GRAMD1B: variants seen among roughly 807,000 people sequenced by gnomAD.
The protein encoded by GRAMD1B is protein Aster-B.
In GRAMD1B, 37 loss-of-function variants were observed where a neutral mutation model predicts 99.7. The observed-to-expected ratio is 0.37, with a 90% CI of 0.29 to 0.49. The LOEUF (loss-of-function observed/expected upper bound fraction) is 0.49. Ranked by LOEUF, GRAMD1B falls within the 20% of genes least tolerant of loss-of-function variation. GRAMD1B has a pLI of 0.98. For missense variants in GRAMD1B, 888 were observed against 1,009.2 expected, an observed-to-expected ratio of 0.88 and a Z score of 1.63; for synonymous variants, 427 against 387.6, an observed-to-expected ratio of 1.10 and a Z score of -1.19.
chr11:123,497,829 A>C (rs530317687), intron 2 of GRAMD1B, among the ~76,000 whole-genome samples: 1 of 145,460 alleles, frequency 6.9e-6, no homozygotes, highest in Non-Finnish European at 1.5e-5. Flanking sequence ...TGAACCCGGG[A>C]GGCAGAGGTT....
intron 2 of GRAMD1B, among the ~76,000 whole-genome samples, chr11:123,557,977 C>CTT (rs532091098): frequency 0.074 from 7,377 of 99,638 alleles, 496 homozygotes; most frequent in Non-Finnish European, 0.084. Context: ...TTCAGTGCAA[C>CTT]TTTTTTTTTT....
At chr11:123,452,934 A>G (rs1949953004) in intron 1 of GRAMD1B, among the ~76,000 whole-genome samples, 1 of 152,220 alleles carries the variant, frequency 6.6e-6, no homozygotes, top group African/African-American at 2.4e-5. Context: ...TGTGTTTCAC[A>G]GGCACCACTG....
intron 7 of GRAMD1B, chr11:123,598,690 A>G (rs1376136862): frequency 1.3e-5 from 13 of 1,013,086 alleles, no homozygotes; most frequent in Non-Finnish European, 2.1e-5. Flanking sequence ...AGAGAGGCCA[A>G]CTCCTCCCAG....
At chr11:123,547,635 T>C (rs1945149715) in intron 2 of GRAMD1B, among the ~76,000 whole-genome samples, 1 of 152,246 alleles carries the variant, frequency 6.6e-6, no homozygotes, top group South Asian at 2.1e-4. Flanking sequence ...TCTGAGATAC[T>C]CAAAATCCTG....
intron 1 of GRAMD1B, among the ~76,000 whole-genome samples, chr11:123,465,429 G>A (rs972302251): frequency 1.4e-4 from 21 of 152,168 alleles, no homozygotes; most frequent in African/African-American, 4.3e-4. Flanking sequence ...TGTCCTTGGA[G>A]GCTGACCTGA....
chr11:123,373,909 C>T (rs1946610891), intron 1 of GRAMD1B, among the ~76,000 whole-genome samples: 1 of 152,184 alleles, frequency 6.6e-6, no homozygotes, highest in South Asian at 2.1e-4. Context: ...AATTATTTGG[C>T]TCTCCAATTT....
Position 123,586,267 on chromosome 11 carries a change from C to T in GRAMD1B, c.684+1935C>T, listed in dbSNP as rs550308030. Among the ~76,000 whole-genome samples the T allele has an allele frequency of 4.6e-5, 7 of 152,270 alleles. No homozygotes were observed. The East Asian group carries it at 1.2e-3, about 25-fold the overall frequency. On this transcript the variant is annotated intron_variant, in intron 4 of 19. Coordinates refer to ENST00000635736, the MANE Select transcript of GRAMD1B (RefSeq NM_001387025.1). ...TCCTGCTTTCTGATGGTTCCACCTG[C>T]ACCATGTCTGTGCAGAAGCTGTTGG...
chr11:123,444,907 C>G lies in GRAMD1B; in HGVS notation c.374+13741C>G, dbSNP rs375835118. 3.3e-5 allele frequency among the ~76,000 whole-genome samples: 5 copies of G among 152,174 alleles called. No homozygotes were observed. The South Asian group carries it at 1.0e-3, about 32-fold the overall frequency. ...CCTTCTAATCCTCTAGTCACTTGGT[C>G]TTTCTTGGTCCTTCCTCCCCATCTT... On this transcript the variant is annotated intron_variant, in intron 1 of 19. Coordinates refer to ENST00000635736, the MANE Select transcript of GRAMD1B (RefSeq NM_001387025.1).
chr11:123,557,767 A>T (rs1946307634), intron 2 of GRAMD1B, among the ~76,000 whole-genome samples: 1 of 152,176 alleles, frequency 6.6e-6, no homozygotes, highest in South Asian at 2.1e-4. Context: ...AACCCATTGT[A>T]TTTAATACAA....
chr11:123,523,931 A>G (rs538878118), intron 2 of GRAMD1B, among the ~76,000 whole-genome samples: 9 of 152,360 alleles, frequency 5.9e-5, no homozygotes, highest in African/African-American at 2.2e-4. Context: ...GCATGGGGCT[A>G]TGGATAGATC....
At chr11:123,419,657 A>G (rs1276770897) in intron 1 of GRAMD1B, among the ~76,000 whole-genome samples, 1 of 151,958 alleles carries the variant, frequency 6.6e-6, no homozygotes, top group Non-Finnish European at 1.5e-5. Context: ...CAAAACAAAA[A>G]AACCAGTGTC....
intron 8 of GRAMD1B, among the ~76,000 whole-genome samples, chr11:123,602,419 C>G (rs771371145): frequency 6.6e-6 from 1 of 152,008 alleles, no homozygotes. Context: ...ATGTGCACAA[C>G]GTGCAGGTTA....
intron 1 of GRAMD1B, among the ~76,000 whole-genome samples, chr11:123,451,837 T>TTTTA (rs146968088): frequency 1.3e-5 from 2 of 148,952 alleles, no homozygotes; most frequent in East Asian, 2.0e-4. Context: ...TGACAGCAGA[T>TTTTA]TATATATATA....
intron 1 of GRAMD1B, among the ~76,000 whole-genome samples, chr11:123,410,678 G>T (rs927693404): frequency 3.9e-5 from 6 of 152,200 alleles, no homozygotes; most frequent in Admixed American, 2.6e-4. Context: ...GCTTCCTGAG[G>T]GTTTGAGGAA....
At chr11:123,537,398 A>G (rs1234867342) in intron 2 of GRAMD1B, among the ~76,000 whole-genome samples, 1 of 152,230 alleles carries the variant, frequency 6.6e-6, no homozygotes, top group Non-Finnish European at 1.5e-5. Flanking sequence ...GTTTACATCC[A>G]GGGACATTAT....
At chr11:123,452,134 C>A (rs927336509) in intron 1 of GRAMD1B, among the ~76,000 whole-genome samples, 1 of 152,102 alleles carries the variant, frequency 6.6e-6, no homozygotes, top group Non-Finnish European at 1.5e-5. Flanking sequence ...GCACCCAGTC[C>A]GACAGCAGAT....
At position 123,370,059 on chromosome 11, in the gene GRAMD1B, G is replaced by T. The variant is rs191786423; in HGVS notation, c.-176+11260G>T. Among the ~76,000 whole-genome samples the T allele has an allele frequency of 7.9e-3, 1,199 of 151,998 alleles. 8 individuals carry two copies. The highest frequency in any genetic ancestry group is 0.018 in the South Asian group (87 of 4,806). On this transcript the variant is annotated intron_variant, in intron 1 of 20. Coordinates refer to the GRAMD1B transcript ENST00000638157. ...GCCGGGCATGATGGCTCATGCCTGT[G>T]ATTCTAGCACACTGGGGGGCTGAGG...
At chr11:123,377,608 C>T (rs1193872140) in intron 1 of GRAMD1B, among the ~76,000 whole-genome samples, 1 of 152,164 alleles carries the variant, frequency 6.6e-6, no homozygotes, top group African/African-American at 2.4e-5. Flanking sequence ...GGCTATTGTC[C>T]TGCTCTGTTT....
chr11:123,380,989 G>GT (rs75817143), intron 1 of GRAMD1B, among the ~76,000 whole-genome samples: 3,167 of 151,860 alleles, frequency 0.021, 244 homozygotes, highest in East Asian at 0.2. Context: ...TATTTTTCAT[G>GT]TTTTTTTTCT....
Sources: gnomAD v4.1 joint callset for allele counts (sites outside exome capture counted in the v4.1 genomes callset) on GRCh38, gnomAD v4.1.1 for gene constraint, MANE v1.5 for transcripts, NCBI Gene and HGNC (gene_info 2026-07-23, HGNC 2026-07-21) for gene names.